Variants in QRICH1 observed in about 807,000 individuals in gnomAD.
QRICH1 encodes glutamine rich 1.
QRICH1 carries 16 observed loss-of-function variants against 87.1 expected under a neutral mutation model. That is an observed-to-expected ratio of 0.18 (90% CI 0.12 to 0.28). The LOEUF is 0.28. Ranked by LOEUF, QRICH1 falls within the 10% of genes least tolerant of loss-of-function variation. The probability of loss-of-function intolerance (pLI) is 1.00; values close to 1 mark genes in which losing one functional copy is unlikely to be tolerated. For missense variants in QRICH1, 647 were observed against 951.7 expected (o/e 0.68, Z 4.21); for synonymous variants, 367 against 368.4 (o/e 1.00, Z 0.05).
chr3:49,087,615 C>T (rs2042190769), intron 1 of QRICH1, among the ~76,000 whole-genome samples: 1 of 150,870 alleles, frequency 6.6e-6, no homozygotes, highest in Non-Finnish European at 1.5e-5. Flanking sequence ...GTGGCTCATG[C>T]CTGTAATCCT....
chr3:49,041,419 C>A (rs1484370798), intron 6 of QRICH1, among the ~76,000 whole-genome samples: 3 of 151,916 alleles, frequency 2.0e-5, no homozygotes, highest in Non-Finnish European at 2.9e-5. Context: ...TCTTGAACTC[C>A]TGGGCTCAAG....
intron 3 of QRICH1, among the ~76,000 whole-genome samples, chr3:49,054,586 G>T (rs2106894377): frequency 1.4e-5 from 2 of 145,186 alleles, no homozygotes; most frequent in South Asian, 4.3e-4. Context: ...CCATTCTTTT[G>T]TTTATCTAAA....
At chr3:49,051,307 C>G (rs2093368704) in intron 3 of QRICH1, among the ~76,000 whole-genome samples, 2 of 152,180 alleles carry the variant, frequency 1.3e-5, no homozygotes, top group South Asian at 4.1e-4. Context: ...GCACATCCAA[C>G]AATGTCACTC....
intron 2 of QRICH1, 131 bp downstream of exon 2, chr3:49,076,578 C>T (rs2041956386): frequency 1.1e-6 from 1 of 943,874 alleles, no homozygotes; most frequent in East Asian, 2.9e-5. Flanking sequence ...ACTTTTAGTC[C>T]ACATTAACTT....
chr3:49,066,572 C>G (rs2093469616), intron 2 of QRICH1, among the ~76,000 whole-genome samples: 1 of 151,122 alleles, frequency 6.6e-6, no homozygotes, highest in Non-Finnish European at 1.5e-5. Flanking sequence ...TCAAGCAATT[C>G]TCCTGCCTCA....
intron 2 of QRICH1, among the ~76,000 whole-genome samples, chr3:49,068,336 A>G (rs2093479889): frequency 6.6e-6 from 1 of 152,014 alleles, no homozygotes. Context: ...TGTAGCCTAT[A>G]GTCCCAGCTA....
intron 3 of QRICH1, among the ~76,000 whole-genome samples, chr3:49,048,490 A>C (rs60808057): frequency 0.66 from 97,029 of 147,298 alleles, 32,589 homozygotes; most frequent in East Asian, 0.95. Context: ...AAAAAAAAAA[A>C]AAAAAAAACC....
At chr3:49,060,974 T>C (rs1177828464) in intron 2 of QRICH1, among the ~76,000 whole-genome samples, 1 of 150,934 alleles carries the variant, frequency 6.6e-6, no homozygotes, top group Non-Finnish European at 1.5e-5. Context: ...CTACTTCTAC[T>C]AAAAATATAA....
intron 1 of QRICH1, among the ~76,000 whole-genome samples, chr3:49,087,577 AT>A (rs1412810861): frequency 2.0e-5 from 3 of 151,504 alleles, no homozygotes; most frequent in African/African-American, 4.8e-5. Context: ...TTTAAAAAAA[AT>A]AAAAATAAAA....
chr3:49,051,318 A>C (rs1202649143), intron 3 of QRICH1, among the ~76,000 whole-genome samples: 1 of 152,064 alleles, frequency 6.6e-6, no homozygotes, highest in East Asian at 1.9e-4. Flanking sequence ...AATGTCACTC[A>C]CAACATTGTC....
At position 49,084,808 on chromosome 3, in the gene QRICH1, T is replaced by C. The variant is rs561401109; in HGVS notation, c.-21-7770A>G. 3.3e-5 allele frequency among the ~76,000 whole-genome samples: 5 copies of C among 152,166 alleles called. No individual in the cohort carries two copies. In the South Asian group the frequency reaches 8.3e-4, roughly 25 times the overall value. ...GCTAACAGTAGTTATGCCTAGATGA[T>C]GGAACCACAGAGTAATTAAGTTTCT... On this transcript the variant is annotated intron_variant, in intron 1 of 9. Coordinates refer to ENST00000395443, the MANE Select transcript of QRICH1 (RefSeq NM_198880.3).
At chr3:49,034,079 T>TTTA (rs10691654) in intron 6 of QRICH1, among the ~76,000 whole-genome samples, 87,840 of 147,002 alleles carry the variant, frequency 0.6, 26,980 homozygotes, top group East Asian at 0.91. Context: ...TTTGGGGGAT[T>TTTA]TTATTATTAT....
chr3:49,048,567 TC>T (rs1483374360), intron 3 of QRICH1, among the ~76,000 whole-genome samples: 2 of 149,548 alleles, frequency 1.3e-5, no homozygotes, highest in Non-Finnish European at 3.0e-5. Context: ...GGTGGGTGGA[TC>T]ACGAGGTCAA....
At chr3:49,059,315 C>T (rs575459434) in intron 2 of QRICH1, among the ~76,000 whole-genome samples, 2 of 151,714 alleles carry the variant, frequency 1.3e-5, no homozygotes, top group South Asian at 4.2e-4. Flanking sequence ...GTTAGAGTAC[C>T]GTGATAAGAT....
chr3:49,074,554 A>G (rs767560869), intron 2 of QRICH1, among the ~76,000 whole-genome samples: 4 of 151,928 alleles, frequency 2.6e-5, no homozygotes, highest in Non-Finnish European at 5.9e-5. Flanking sequence ...CCTGGGGGAC[A>G]GAGCGAGACT....
intron 1 of QRICH1, among the ~76,000 whole-genome samples, chr3:49,080,966 C>CA (rs34230924): frequency 0.62 from 15,286 of 24,728 alleles, 5,457 homozygotes; most frequent in East Asian, 0.9. Context: ...AACTCCATCT[C>CA]AAAAAAAAAA....
rs1470081542 is a variant in QRICH1 at position 49,069,098 on chromosome 3, A to AT, written c.309+7610dup. Among the ~76,000 whole-genome samples, 223 of 83,816 alleles carry AT rather than the reference A, an allele frequency of 2.7e-3. 1 individual carries two copies. The highest frequency in any genetic ancestry group is 6.0e-3 in the Middle Eastern group (1 of 168). 55.0% of individuals were successfully genotyped at this position (83,816 alleles called of 152,430 possible). A position where few individuals can be genotyped will look rare whatever the true frequency, so the allele number is the denominator to read the frequency against. On this transcript the variant is annotated intron_variant, in intron 2 of 9. Coordinates refer to ENST00000395443, the MANE Select transcript of QRICH1 (RefSeq NM_198880.3). ...AAGTAGAAAATTTATTATTATTATT[A>AT]TTATTATTATTTTTTTTTTTTTTTT...
At position 49,086,367 on chromosome 3, in the gene QRICH1, C is replaced by T. The variant is rs576449289; in HGVS notation, c.-22+7545G>A. 3.3e-5 allele frequency among the ~76,000 whole-genome samples: 5 copies of T among 152,106 alleles called. No homozygotes were observed. The East Asian group carries it at 9.6e-4, about 29-fold the overall frequency. On this transcript the variant is annotated intron_variant, in intron 1 of 9. Transcript: ENST00000395443. Reference sequence around the variant, plus strand: ...CACCTCCTGGATTCACACCATTCTCCTGCCTCAGCCTCCCAAGTAGCTGGG... The same window carrying T: ...CACCTCCTGGATTCACACCATTCTCTTGCCTCAGCCTCCCAAGTAGCTGGG...
chr3:49,045,597 AT>A (rs1487995246), intron 5 of QRICH1, among the ~76,000 whole-genome samples: 4 of 150,392 alleles, frequency 2.7e-5, no homozygotes, highest in African/African-American at 7.4e-5. Flanking sequence ...CACCCAGCTA[AT>A]TTTTTTTCTT....
Sources: allele counts gnomAD v4.1 joint callset (sites outside exome capture counted in the v4.1 genomes callset), GRCh38; gene constraint gnomAD v4.1.1; transcripts MANE v1.5; gene names NCBI Gene and HGNC (gene_info 2026-07-23, HGNC 2026-07-21).